AQR: variants seen among roughly 807,000 people sequenced by gnomAD.
The protein encoded by AQR is aquarius intron-binding spliceosomal factor, also known as RNA helicase aquarius.
In AQR, 61 loss-of-function variants were observed where a neutral mutation model predicts 180.5. The observed-to-expected ratio is 0.34, with a 90% CI of 0.28 to 0.42. The LOEUF is 0.42. Among genes scored for constraint, AQR ranks in the 10% least tolerant of loss-of-function variants. AQR has a pLI of 1.00. For missense variants in AQR, 1,281 were observed against 1,798.3 expected, an observed-to-expected ratio of 0.71 and a Z score of 5.20; for synonymous variants, 551 against 588.8, an observed-to-expected ratio of 0.94 and a Z score of 0.93.
At chr15:34,888,600 G>C (rs12593379) in intron 24 of AQR, among the ~76,000 whole-genome samples, 3 of 151,794 alleles carry the variant, frequency 2.0e-5, no homozygotes, top group Non-Finnish European at 4.4e-5. Context: ...ACGAGACTGA[G>C]GCAGGAGAAT....
At chr15:34,952,595 CTAATT>C in intron 4 of AQR, among the ~76,000 whole-genome samples, 1 of 152,324 alleles carries the variant, frequency 6.6e-6, no homozygotes, top group East Asian at 1.9e-4. Flanking sequence ...AGAACACACT[CTAATT>C]TATTTCCACT....
intron 13 of AQR, among the ~76,000 whole-genome samples, chr15:34,921,302 T>A (rs1330301934): frequency 1.3e-5 from 2 of 150,440 alleles, no homozygotes; most frequent in African/African-American, 4.9e-5. Flanking sequence ...GGCGTGGTGG[T>A]GAGCGCCTGT....
intron 1 of AQR, among the ~76,000 whole-genome samples, chr15:34,967,250 C>T (rs946298584): frequency 6.6e-6 from 1 of 152,116 alleles, no homozygotes; most frequent in Non-Finnish European, 1.5e-5. Flanking sequence ...TATTTCCTTG[C>T]TCTTCTCAAA....
chr15:34,934,132 AAAGAAAAGAAAAG>A (rs1893908979), intron 10 of AQR, among the ~76,000 whole-genome samples: 1 of 151,938 alleles, frequency 6.6e-6, no homozygotes, highest in Non-Finnish European at 1.5e-5. Context: ...ATCTCAAAGA[AAAGAAAAGAAAAG>A]AAGAAAAGGA....
intron 2 of AQR, among the ~76,000 whole-genome samples, chr15:34,962,406 G>T (rs1197931889): frequency 6.6e-6 from 1 of 152,154 alleles, no homozygotes; most frequent in Non-Finnish European, 1.5e-5. Flanking sequence ...AGGAAAACAA[G>T]TCTTGTTCAA....
At chr15:34,910,948 C>A (rs574089435) in intron 16 of AQR, among the ~76,000 whole-genome samples, 1 of 152,286 alleles carries the variant, frequency 6.6e-6, no homozygotes, top group South Asian at 2.1e-4. Context: ...CCATTTTCCC[C>A]ACCTACAACC....
At chr15:34,919,858 A>C (rs555361022) in intron 14 of AQR, among the ~76,000 whole-genome samples, 44 of 152,178 alleles carry the variant, frequency 2.9e-4, no homozygotes, top group Non-Finnish European at 5.9e-4. Context: ...AGATCACGCC[A>C]CTGCACTCCA....
Position 34,855,011 on chromosome 15 carries a change from C to A in AQR, c.*1781G>T, listed in dbSNP as rs899291343. ...TGCCCACAGCACCTGCTTTCAAAAT[C>A]TTTTATCGGAGAAATTACATAACAG... On this transcript the variant is annotated 3_prime_UTR_variant, in exon 35 of 35. Coordinates refer to ENST00000156471, the MANE Select transcript of AQR (RefSeq NM_014691.3). 1.3e-5 allele frequency: 2 copies of A among 152,206 alleles called. No individual in the cohort carries two copies. The highest frequency in any genetic ancestry group is 2.9e-5 in the Non-Finnish European group (2 of 68,028). 9.4% of individuals were successfully genotyped at this position (152,206 alleles called of 1,614,324 possible). A position where few individuals can be genotyped will look rare whatever the true frequency, so the allele number is the denominator to read the frequency against.
At chr15:34,895,925 T>C (rs1893237006) in intron 22 of AQR, among the ~76,000 whole-genome samples, 1 of 152,122 alleles carries the variant, frequency 6.6e-6, no homozygotes, top group African/African-American at 2.4e-5. Context: ...ACACATGAAA[T>C]AGTCACCAAG....
At chr15:34,939,423 A>T (rs968396823) in intron 8 of AQR, among the ~76,000 whole-genome samples, 1 of 152,330 alleles carries the variant, frequency 6.6e-6, no homozygotes, top group Admixed American at 6.5e-5. Flanking sequence ...CAGACCGAGA[A>T]AGAAGTTTCA....
intron 34 of AQR, among the ~76,000 whole-genome samples, chr15:34,858,351 A>G (rs577612142): frequency 6.6e-6 from 1 of 152,006 alleles, no homozygotes; most frequent in African/African-American, 2.4e-5. Flanking sequence ...AGAAAACGAA[A>G]AAGAAAAATA....
intron 4 of AQR, among the ~76,000 whole-genome samples, chr15:34,949,713 T>C (rs1894188927): frequency 6.6e-6 from 1 of 151,078 alleles, no homozygotes; most frequent in Non-Finnish European, 1.5e-5. Context: ...TCCCAGTACT[T>C]TGGGAGGCCA....
chr15:34,949,153 C>T (rs1386357846), intron 4 of AQR, among the ~76,000 whole-genome samples: 3 of 151,842 alleles, frequency 2.0e-5, no homozygotes, highest in South Asian at 2.1e-4. Flanking sequence ...CCACCACGCC[C>T]GGCTAATTTT....
chr15:34,951,845 T>C (rs1894238517), intron 4 of AQR, among the ~76,000 whole-genome samples: 1 of 152,140 alleles, frequency 6.6e-6, no homozygotes, highest in South Asian at 2.1e-4. Context: ...CACGATATGA[T>C]GGAAAGAGCA....
At chr15:34,954,571 T>C (rs1010034650) in intron 3 of AQR, among the ~76,000 whole-genome samples, 6 of 152,060 alleles carry the variant, frequency 3.9e-5, no homozygotes, top group Non-Finnish European at 8.8e-5. Flanking sequence ...CCTCCCAAAG[T>C]GCTGGGATTA....
At chr15:34,930,818 CTTTTTTTTTTTT>C (rs77229498) in intron 11 of AQR, among the ~76,000 whole-genome samples, 33 of 84,762 alleles carry the variant, frequency 3.9e-4, no homozygotes, top group African/African-American at 1.4e-3. Context: ...TACGCCACTT[CTTTTTTTTTTTT>C]TTTTTTTTTT....
At chr15:34,917,692 C>T (rs889314842) in intron 15 of AQR, among the ~76,000 whole-genome samples, 2 of 151,950 alleles carry the variant, frequency 1.3e-5, no homozygotes, top group African/African-American at 4.8e-5. Flanking sequence ...TCCTTGAAAA[C>T]AGTCTTATGG....
intron 31 of AQR, chr15:34,867,977 CTTAT>C (rs553855447): frequency 1.6e-4 from 30 of 187,870 alleles, no homozygotes; most frequent in African/African-American, 5.5e-4. Flanking sequence ...ACTTAGTATG[CTTAT>C]TTATTACTTA....
At chr15:34,946,075 A>C (rs866898175) in intron 5 of AQR, among the ~76,000 whole-genome samples, 1 of 152,208 alleles carries the variant, frequency 6.6e-6, no homozygotes, top group South Asian at 2.1e-4. Flanking sequence ...GTTTGAGACC[A>C]GCCTGGCCAA....
Sources: gnomAD v4.1 joint callset for allele counts (sites outside exome capture counted in the v4.1 genomes callset) on GRCh38, gnomAD v4.1.1 for gene constraint, MANE v1.5 for transcripts, NCBI Gene and HGNC (gene_info 2026-07-23, HGNC 2026-07-21) for gene names.